Variants in SNTB1 observed in about 807,000 individuals in gnomAD.
The protein encoded by SNTB1 is syntrophin beta 1, also known as beta-1-syntrophin.
In SNTB1, 36 loss-of-function variants were observed where a neutral mutation model predicts 48.9. The observed-to-expected ratio is 0.74, with a 90% confidence interval of 0.56 to 0.97. The LOEUF is 0.97. SNTB1 is among the 50% of genes least tolerant of loss of function. The pLI is 0.00. For missense variants in SNTB1, 786 were observed against 703.4 expected, an observed-to-expected ratio of 1.12 and a Z score of -1.33; for synonymous variants, 299 against 294.6, an observed-to-expected ratio of 1.01 and a Z score of -0.15.
intron 6 of SNTB1, among the ~76,000 whole-genome samples, chr8:120,540,291 C>G (rs1242279357): frequency 6.6e-6 from 1 of 152,152 alleles, no homozygotes; most frequent in African/African-American, 2.4e-5. Context: ...ATTGCTTAAA[C>G]AGACATAGGG....
intron 2 of SNTB1, among the ~76,000 whole-genome samples, chr8:120,679,709 G>C (rs1199126206): frequency 6.6e-6 from 1 of 152,090 alleles, no homozygotes; most frequent in Non-Finnish European, 1.5e-5. Flanking sequence ...TAGTCTCCCA[G>C]CCTCTAGTCT....
At chr8:120,690,800 A>G (rs1010580485) in intron 2 of SNTB1, among the ~76,000 whole-genome samples, 1 of 152,122 alleles carries the variant, frequency 6.6e-6, no homozygotes, top group Non-Finnish European at 1.5e-5. Flanking sequence ...GAGTTTCATA[A>G]AATATTTGTT....
intron 1 of SNTB1, among the ~76,000 whole-genome samples, chr8:120,790,829 A>T (rs965703926): frequency 6.6e-6 from 1 of 151,934 alleles, no homozygotes; most frequent in African/African-American, 2.4e-5. Flanking sequence ...AGCAATCTAC[A>T]GATTCAATTC....
chr8:120,680,644 A>G (rs2129816556), intron 2 of SNTB1, among the ~76,000 whole-genome samples: 1 of 152,314 alleles, frequency 6.6e-6, no homozygotes, highest in South Asian at 2.1e-4. Context: ...AGGCTAGGTG[A>G]TGCCTGCTTG....
chr8:120,790,596 C>T (rs774549472), intron 1 of SNTB1, among the ~76,000 whole-genome samples: 11 of 151,692 alleles, frequency 7.3e-5, no homozygotes, highest in Non-Finnish European at 1.5e-4. Context: ...CAAAGACAAC[C>T]AAGATGAGAA....
chr8:120,620,941 C>T (rs1248785028), intron 3 of SNTB1, among the ~76,000 whole-genome samples: 5 of 135,508 alleles, frequency 3.7e-5, no homozygotes, highest in Admixed American at 7.6e-5. Context: ...CTTCTTCCCT[C>T]TCTTTTCTTT....
intron 1 of SNTB1, 94 bp downstream of exon 1, chr8:120,811,179 A>C (rs1453699896): frequency 2.9e-5 from 42 of 1,472,350 alleles, no homozygotes; most frequent in South Asian, 1.9e-4. Context: ...GTGTGTCCGC[A>C]TGTGGCCGAG....
chr8:120,632,567 A>C lies in SNTB1; in HGVS notation c.873T>G (p.Ser291Arg). The C allele has an allele frequency of 1.2e-6, 2 of 1,614,178 alleles. No individual in the cohort carries two copies. The highest frequency in any genetic ancestry group is 1.7e-6 in the Non-Finnish European group (2 of 1,180,034). Reference protein sequence around the residue: ...KDSATAQAWFSAIHSNVNDLL... With the variant: ...KDSATAQAWFRAIHSNVNDLL... ...GGTCATTAACGTTGGAATGGATGGC[A>C]CTGAACCATGCCTGGGCCGTGGCTG... Residue 291 changes from serine to arginine, a missense_variant, in exon 3 of 7, where the codon AGT becomes AGG. Transcript: ENST00000517992.
intron 2 of SNTB1, among the ~76,000 whole-genome samples, chr8:120,654,039 CAAAAAA>C (rs58873007): frequency 0.012 from 305 of 25,140 alleles, 1 homozygote; most frequent in Non-Finnish European, 0.013. Flanking sequence ...GACTCTGCCT[CAAAAAA>C]AAAAAAAAAA....
chr8:120,630,479 A>T (rs192400000), intron 3 of SNTB1, among the ~76,000 whole-genome samples: 1 of 152,164 alleles, frequency 6.6e-6, no homozygotes, highest in Admixed American at 6.5e-5. Flanking sequence ...CCTTGGCTAT[A>T]CCTTATAAAT....
At chr8:120,557,734 T>C (rs1331428153) in intron 4 of SNTB1, among the ~76,000 whole-genome samples, 1 of 152,212 alleles carries the variant, frequency 6.6e-6, no homozygotes, top group East Asian at 1.9e-4. Context: ...CCTGGTCTCC[T>C]CTCTCTTTAA....
chr8:120,685,294 G>T (rs545316464), intron 2 of SNTB1, among the ~76,000 whole-genome samples: 16 of 152,334 alleles, frequency 1.1e-4, no homozygotes, highest in African/African-American at 2.6e-4. Flanking sequence ...GTTCTCTTTG[G>T]TGGTCCCACC....
At chr8:120,754,184 C>T (rs73707103) in intron 1 of SNTB1, among the ~76,000 whole-genome samples, 4,398 of 152,158 alleles carry the variant, frequency 0.029, 204 homozygotes, top group African/African-American at 0.1. Context: ...TCACTCAGGT[C>T]CTGATGGAAT....
intron 3 of SNTB1, among the ~76,000 whole-genome samples, chr8:120,605,853 A>C (rs1323717831): frequency 6.6e-6 from 1 of 152,154 alleles, no homozygotes; most frequent in Non-Finnish European, 1.5e-5. Context: ...AATGATGAAA[A>C]GGTGCCCCCT....
At chr8:120,801,233 C>A (rs1820220961) in intron 1 of SNTB1, among the ~76,000 whole-genome samples, 1 of 151,892 alleles carries the variant, frequency 6.6e-6, no homozygotes, top group African/African-American at 2.4e-5. Flanking sequence ...ATTTGAAATG[C>A]AAGGCCTCAA....
intron 1 of SNTB1, among the ~76,000 whole-genome samples, chr8:120,705,406 A>G (rs1235872434): frequency 1.3e-5 from 2 of 152,248 alleles, no homozygotes; most frequent in African/African-American, 4.8e-5. Flanking sequence ...TAGAAAAACA[A>G]TGTACAGGAC....
chr8:120,605,102 C>A (rs1312372002), intron 3 of SNTB1, among the ~76,000 whole-genome samples: 1 of 152,166 alleles, frequency 6.6e-6, no homozygotes, highest in African/African-American at 2.4e-5. Context: ...ATTCCTACAC[C>A]AATGTGCCTT....
chr8:120,624,022 C>T (rs1273747880), intron 3 of SNTB1, among the ~76,000 whole-genome samples: 2 of 152,162 alleles, frequency 1.3e-5, no homozygotes, highest in African/African-American at 2.4e-5. Context: ...ACTGCAACCT[C>T]TGCCTCCGGG....
At chr8:120,580,216 C>T (rs1398474999) in intron 3 of SNTB1, among the ~76,000 whole-genome samples, 1 of 152,196 alleles carries the variant, frequency 6.6e-6, no homozygotes, top group Non-Finnish European at 1.5e-5. Context: ...CATACCAACT[C>T]ACTCTTCCTA....
Sources: allele counts gnomAD v4.1 joint callset (sites outside exome capture counted in the v4.1 genomes callset), GRCh38; gene constraint gnomAD v4.1.1; transcripts MANE v1.5; gene names NCBI Gene and HGNC (gene_info 2026-07-23, HGNC 2026-07-21).